The following SEC31B variants were observed in gnomAD, a reference collection of about 807,000 sequenced individuals.
The protein encoded by SEC31B is SEC31 homolog B, COPII component, also known as protein transport protein Sec31B.
Under a neutral mutation model 135.0 loss-of-function variants are expected in SEC31B, and 113 were observed. The observed-to-expected ratio is 0.84, with a 90% CI of 0.72 to 0.98. The LOEUF (loss-of-function observed/expected upper bound fraction) is 0.98. Among genes scored for constraint, SEC31B ranks in the 50% least tolerant of loss-of-function variants. The probability of loss-of-function intolerance (pLI) is 0.00; values close to 1 mark genes in which losing one functional copy is unlikely to be tolerated. For missense variants in SEC31B, 1,296 were observed against 1,421.1 expected (o/e 0.91, Z 1.42); for synonymous variants, 508 against 549.4 (o/e 0.92, Z 1.05).
chr10:100,495,563 G>A lies in SEC31B; in HGVS notation c.2311-17C>T, dbSNP rs1851392295. 1 of 1,607,130 alleles carries A rather than the reference G, an allele frequency of 6.2e-7. No homozygotes were observed. Among genetic ancestry groups the A allele is most frequent in the Non-Finnish European group, 8.5e-7 (1 of 1,177,010 alleles). ...AACTGGTGGCTATAAGTTTTAATGAGGAAGAGCTGTGTCAAGAAATTAAAA... is the reference window on the plus strand; with the variant it reads ...AACTGGTGGCTATAAGTTTTAATGAAGAAGAGCTGTGTCAAGAAATTAAAA... On this transcript the variant is annotated splice_polypyrimidine_tract_variant and intron_variant, in intron 18 of 25. Transcript: ENST00000370345.
At chr10:100,497,554 C>A in intron 16 of SEC31B, 113 bp downstream of exon 16, 1 of 1,574,156 alleles carries the variant, frequency 6.4e-7, no homozygotes, top group South Asian at 1.2e-5. Context: ...GCCCTGACAA[C>A]ATTGCCTCGC....
intron 6 of SEC31B, 114 bp from the exon 7 acceptor site, chr10:100,507,681 G>T: frequency 1.4e-6 from 2 of 1,417,646 alleles, no homozygotes; most frequent in Non-Finnish European, 9.8e-7. Context: ...AACACCACAG[G>T]CATCAGAGAG....
At chr10:100,497,593 T>C in intron 16 of SEC31B, 74 bp downstream of exon 16, 1 of 1,608,122 alleles carries the variant, frequency 6.2e-7, no homozygotes, top group Non-Finnish European at 8.5e-7. Flanking sequence ...CTCCTCCACC[T>C]CCCTCCTGCA....
intron 3 of SEC31B, 127 bp downstream of exon 3, chr10:100,515,967 CTT>C: frequency 1.7e-6 from 2 of 1,174,448 alleles, no homozygotes; most frequent in Non-Finnish European, 2.4e-6. Context: ...CCAGAATTAA[CTT>C]TTCTCCAACT....
At chr10:100,502,780 G>C (rs1315836099) in intron 10 of SEC31B, among the ~76,000 whole-genome samples, 1 of 152,070 alleles carries the variant, frequency 6.6e-6, no homozygotes, top group Non-Finnish European at 1.5e-5. Context: ...AAATACCTCA[G>C]CATTAGCAAA....
At chr10:100,489,547 G>A (rs527793242) in intron 22 of SEC31B, 149 bp from the exon 23 acceptor site, 2 of 1,356,794 alleles carry the variant, frequency 1.5e-6, no homozygotes, top group Non-Finnish European at 2.0e-6. Context: ...GTGTGTAAGA[G>A]GGAAAGAGAA....
Position 100,489,789 on chromosome 10 carries a change from C to T in SEC31B, c.2966-28G>A, listed in dbSNP as rs550335009. 1.7e-4 allele frequency: 278 copies of T among 1,613,272 alleles called. 5 individuals carry two copies. In the South Asian group the frequency reaches 2.4e-3, roughly 14 times the overall value. On this transcript the variant is annotated intron_variant, in intron 21 of 25. Coordinates refer to ENST00000370345, the MANE Select transcript of SEC31B (RefSeq NM_015490.4). ...ATAGAATAAAAAGATAGAGGTTTTT[C>T]GGCGCATAGTGAAAAACACTGGAAG...
At chr10:100,489,545 G>A (rs1257024000) in intron 22 of SEC31B, 147 bp from the exon 23 acceptor site, 2 of 1,347,834 alleles carry the variant, frequency 1.5e-6, no homozygotes, top group African/African-American at 1.5e-5. Context: ...ATGTGTGTAA[G>A]AGGGAAAGAG....
intron 4 of SEC31B, 47 bp from the exon 5 acceptor site, chr10:100,509,149 CAG>C: frequency 1.9e-6 from 3 of 1,591,110 alleles, no homozygotes; most frequent in Middle Eastern, 1.7e-4. Flanking sequence ...TAGGAAGAAA[CAG>C]AGCAAGAAAG....
intron 13 of SEC31B, 51 bp from the exon 14 acceptor site, chr10:100,498,855 C>G (rs1337455142): frequency 2.2e-6 from 3 of 1,382,650 alleles, no homozygotes; most frequent in Non-Finnish European, 3.1e-6. Context: ...CCAAGACAGA[C>G]AGAGAGCTGG....
chr10:100,489,997 G>T lies in SEC31B; in HGVS notation c.2965+11C>A. ...TAACCCAGAAGAGGGATCCATGGAAGGAAGACTGACCTGGGTGAGGAGTCA... is the reference window on the plus strand; with the variant it reads ...TAACCCAGAAGAGGGATCCATGGAATGAAGACTGACCTGGGTGAGGAGTCA... On this transcript the variant is annotated intron_variant, in intron 21 of 25. Transcript: ENST00000370345. The T allele has an allele frequency of 1.3e-6, 2 of 1,536,642 alleles. No individual in the cohort carries two copies. Among genetic ancestry groups the T allele is most frequent in the Non-Finnish European group, 1.7e-6 (2 of 1,146,940 alleles).
At chr10:100,489,064 C>A in intron 23 of SEC31B, 90 bp from the exon 24 acceptor site, 1 of 1,519,546 alleles carries the variant, frequency 6.6e-7, no homozygotes, top group South Asian at 1.3e-5. Context: ...GACTCACAGT[C>A]ACACTGTTCC....
Position 100,505,888 on chromosome 10 carries a change from G to A in SEC31B, c.1044+152C>T, listed in dbSNP as rs1447307121. ...GTGGCAGAAACTAACATCCTTTCAG[G>A]AAGATGGGCACTAGGGCAAAGGTGC... On this transcript the variant is annotated intron_variant, in intron 9 of 25. Transcript: ENST00000370345. The A allele has an allele frequency of 1.1e-5, 16 of 1,505,996 alleles. No homozygotes were observed. In the Admixed American group the frequency reaches 1.8e-4, roughly 17 times the overall value. The allele number at this position is 1,505,996 out of a possible 1,614,324, so 93.3% of individuals were successfully genotyped here. A position where few individuals can be genotyped will look rare whatever the true frequency, so the allele number is the denominator to read the frequency against.
At chr10:100,493,721 A>G (rs763749242) in intron 19 of SEC31B, among the ~76,000 whole-genome samples, 19 of 152,200 alleles carry the variant, frequency 1.2e-4, no homozygotes, top group Non-Finnish European at 2.4e-4. Flanking sequence ...AAAACTGCAT[A>G]AACACACATA....
intron 2 of SEC31B, 119 bp from the exon 3 acceptor site, chr10:100,516,338 G>A (rs1564655169): frequency 1.6e-6 from 2 of 1,215,016 alleles, no homozygotes; most frequent in Non-Finnish European, 1.1e-6. Flanking sequence ...CTTTCTCAAA[G>A]GTAACTCCAC....
chr10:100,488,508 C>G (rs569188698), intron 24 of SEC31B, among the ~76,000 whole-genome samples: 1 of 151,128 alleles, frequency 6.6e-6, no homozygotes, highest in Non-Finnish European at 1.5e-5. Flanking sequence ...AGAATGGCTT[C>G]ATTTCACAGA....
At chr10:100,489,954 G>C (rs1851267991) in intron 21 of SEC31B, 54 bp downstream of exon 21, 4 of 1,533,090 alleles carry the variant, frequency 2.6e-6, no homozygotes, top group South Asian at 1.3e-5. Flanking sequence ...AAAGTAGTGA[G>C]AGGAGCAGGG....
At position 100,487,791 on chromosome 10, in the gene SEC31B, G is replaced by A. The variant is rs140998456; in HGVS notation, c.3365C>T (p.Ser1122Leu). 2.9e-5 allele frequency: 46 copies of A among 1,613,942 alleles called. 1 individual carries two copies. The East Asian group carries it at 9.1e-4, about 32-fold the overall frequency. ...LYEKLCEGTL[S>L]PHVVAGLHEV... The stretch of plus-strand genomic sequence containing the variant: ...ATGGAGCCCAGCCACGACATGAGGT[G>A]AGAGCTGTGGAGGGAATGACCCTTA... The change falls in exon 26 of 26, where the codon TCA becomes TTA. Residue 1122 changes from serine to leucine, a missense_variant. Coordinates refer to ENST00000370345, the MANE Select transcript of SEC31B (RefSeq NM_015490.4).
At chr10:100,509,907 G>T (rs192462906) in intron 3 of SEC31B, among the ~76,000 whole-genome samples, 1 of 152,234 alleles carries the variant, frequency 6.6e-6, no homozygotes, top group East Asian at 1.9e-4. Context: ...CTGAATACTT[G>T]CTATGTATCA....
Sources: allele counts gnomAD v4.1 joint callset (sites outside exome capture counted in the v4.1 genomes callset), GRCh38; gene constraint gnomAD v4.1.1; transcripts MANE v1.5; gene names NCBI Gene and HGNC (gene_info 2026-07-23, HGNC 2026-07-21).